Variants in ANKRD44 observed in about 807,000 individuals in gnomAD.
The protein encoded by ANKRD44 is ankyrin repeat domain 44, also known as serine/threonine-protein phosphatase 6 regulatory ankyrin repeat subunit B.
A neutral mutation model predicts 116.0 loss-of-function variants in ANKRD44; 35 were observed. That is an observed-to-expected ratio of 0.30 (90% CI 0.23 to 0.40). The LOEUF is 0.40. ANKRD44 is among the 10% of genes least tolerant of loss of function. ANKRD44 has a pLI of 1.00. For missense variants in ANKRD44, 1,014 were observed against 1,242.6 expected (o/e 0.82, Z 2.77); for synonymous variants, 435 against 461.8 (o/e 0.94, Z 0.74).
At chr2:197,231,581 G>A (rs147023427) in intron 1 of ANKRD44, among the ~76,000 whole-genome samples, 18 of 152,078 alleles carry the variant, frequency 1.2e-4, no homozygotes, top group African/African-American at 2.9e-4. Flanking sequence ...CTTGGCAAGG[G>A]ACACTTAGCA....
At chr2:196,996,078 C>T (rs944938290) in intron 25 of ANKRD44, among the ~76,000 whole-genome samples, 5 of 152,130 alleles carry the variant, frequency 3.3e-5, no homozygotes, top group African/African-American at 9.7e-5. Flanking sequence ...CAATTTCAGG[C>T]CTGGTACCCT....
At chr2:197,199,737 T>C (rs1216997930) in intron 1 of ANKRD44, among the ~76,000 whole-genome samples, 1 of 152,196 alleles carries the variant, frequency 6.6e-6, no homozygotes, top group African/African-American at 2.4e-5. Context: ...CATACCACCA[T>C]GCCTGGCTTA....
At position 197,008,626 on chromosome 2, in the gene ANKRD44, G is replaced by A. The variant is rs534784862; in HGVS notation, c.2012+318C>T. 3.9e-5 allele frequency among the ~76,000 whole-genome samples: 6 copies of A among 152,274 alleles called. No individual in the cohort carries two copies. In the South Asian group the frequency reaches 1.2e-3, roughly 32 times the overall value. Reference sequence around the variant, plus strand: ...TATTTATTAATTAGAAAATGGCAATGGTGTAGCAGCTTCAGAAGAAGGTAA... The same window carrying A: ...TATTTATTAATTAGAAAATGGCAATAGTGTAGCAGCTTCAGAAGAAGGTAA... On this transcript the variant is annotated intron_variant, in intron 19 of 27. Transcript: ENST00000282272.
At chr2:197,003,152 C>T (rs1337190761) in intron 21 of ANKRD44, among the ~76,000 whole-genome samples, 1 of 148,034 alleles carries the variant, frequency 6.8e-6, no homozygotes, top group African/African-American at 2.5e-5. Flanking sequence ...CCTAAAAATA[C>T]CAAAAAAAAA....
At chr2:197,139,529 T>G (rs2079304252) in intron 3 of ANKRD44, among the ~76,000 whole-genome samples, 1 of 152,122 alleles carries the variant, frequency 6.6e-6, no homozygotes, top group Non-Finnish European at 1.5e-5. Flanking sequence ...TTCTGGATAG[T>G]GACTGCGTCT....
chr2:197,117,388 C>T (rs568329131), intron 8 of ANKRD44, among the ~76,000 whole-genome samples: 3 of 152,220 alleles, frequency 2.0e-5, no homozygotes, highest in East Asian at 3.9e-4. Context: ...TACAGGCATG[C>T]GCCACCACAC....
chr2:197,306,090 C>A (rs1348572632), intron 1 of ANKRD44, among the ~76,000 whole-genome samples: 6 of 151,664 alleles, frequency 4.0e-5, no homozygotes, highest in African/African-American at 1.2e-4. Flanking sequence ...GGGGCAGAGG[C>A]CTCAGAGCAG....
intron 10 of ANKRD44, chr2:197,099,526 G>T: frequency 9.0e-7 from 1 of 1,108,278 alleles, no homozygotes; most frequent in Non-Finnish European, 1.1e-6. Context: ...TGAAGCATTG[G>T]GAAGGACAGA....
chr2:197,268,202 T>C (rs971197002), intron 1 of ANKRD44, among the ~76,000 whole-genome samples: 1 of 152,236 alleles, frequency 6.6e-6, no homozygotes, highest in Non-Finnish European at 1.5e-5. Context: ...ATGAAGCCCT[T>C]CTATGCCCAG....
intron 2 of ANKRD44, among the ~76,000 whole-genome samples, chr2:197,157,785 T>C (rs964881910): frequency 6.6e-6 from 1 of 152,008 alleles, no homozygotes; most frequent in Admixed American, 6.5e-5. Context: ...AGTAAGGATG[T>C]AGAAAATAAA....
chr2:196,987,823 G>A lies in ANKRD44; in HGVS notation c.*1768C>T. 2.0e-6 allele frequency: 2 copies of A among 984,186 alleles called. No individual in the cohort carries two copies. Among genetic ancestry groups the A allele is most frequent in the Non-Finnish European group, 2.4e-6 (2 of 829,590 alleles). The allele number at this position is 984,186 out of a possible 1,614,324, so 61.0% of individuals were successfully genotyped here. On this transcript the variant is annotated 3_prime_UTR_variant, in exon 28 of 28. Transcript: ENST00000282272. ...ACAAATAAAAGCACTAAGCAACTAA[G>A]ACTCAGTTAAAAACACATTTTTTTT...
At position 196,987,957 on chromosome 2, in the gene ANKRD44, A is replaced by G. The variant is rs2125870580; in HGVS notation, c.*1634T>C. The stretch of plus-strand genomic sequence containing the variant: ...CTTTAAAAAAATTTTGCCTTGGGGT[A>G]TGGGAGAAAGAGAAAGAGAGGAAGA... On this transcript the variant is annotated 3_prime_UTR_variant, in exon 28 of 28. Coordinates refer to ENST00000282272, the MANE Select transcript of ANKRD44 (RefSeq NM_001195144.2). The G allele has an allele frequency of 1.0e-6, 1 of 985,290 alleles. No individual in the cohort carries two copies. Among genetic ancestry groups the G allele is most frequent in the South Asian group, 4.7e-5 (1 of 21,286 alleles). The allele number at this position is 985,290 out of a possible 1,614,324, so 61.0% of individuals were successfully genotyped here.
Position 197,098,241 on chromosome 2 carries a change from G to A in ANKRD44, c.1100+1575C>T, listed in dbSNP as rs1559059688. ...TCTTATCTCTACCACTAGACTGGGA[G>A]GTGTTTGGAACCCAGTTCAACTTAA... On this transcript the variant is annotated intron_variant, in intron 10 of 27. Coordinates refer to ENST00000282272, the MANE Select transcript of ANKRD44 (RefSeq NM_001195144.2). Among the ~76,000 whole-genome samples, 2 of 132,446 alleles carry A rather than the reference G, an allele frequency of 1.5e-5. 1 individual carries two copies. Among genetic ancestry groups the A allele is most frequent in the South Asian group, 5.7e-4 (2 of 3,512 alleles). 86.9% of individuals were successfully genotyped at this position (132,446 alleles called of 152,430 possible).
At chr2:197,309,472 G>C (rs150385594) in intron 1 of ANKRD44, among the ~76,000 whole-genome samples, 2 of 152,180 alleles carry the variant, frequency 1.3e-5, no homozygotes, top group South Asian at 4.1e-4. Context: ...AATCATTGTG[G>C]TGACGGACTG....
chr2:197,259,280 T>C (rs1187734728), intron 1 of ANKRD44, among the ~76,000 whole-genome samples: 3 of 152,178 alleles, frequency 2.0e-5, no homozygotes, highest in Non-Finnish European at 1.5e-5. Context: ...CTCCCCTGAG[T>C]AGCTCCTGCT....
At chr2:197,224,640 C>T (rs573313104) in intron 1 of ANKRD44, among the ~76,000 whole-genome samples, 12 of 152,126 alleles carry the variant, frequency 7.9e-5, no homozygotes, top group Admixed American at 2.0e-4. Context: ...ATTCATTATG[C>T]TTTTTGGTTT....
intron 2 of ANKRD44, among the ~76,000 whole-genome samples, chr2:197,175,779 C>A (rs1194036230): frequency 6.6e-6 from 1 of 152,122 alleles, no homozygotes; most frequent in Non-Finnish European, 1.5e-5. Flanking sequence ...ATGAATGTAA[C>A]TGAGGTTATT....
chr2:197,179,312 T>C (rs1479654823), intron 2 of ANKRD44, among the ~76,000 whole-genome samples: 1 of 152,202 alleles, frequency 6.6e-6, no homozygotes. Context: ...AAGTTTAGAA[T>C]TATTTTGTCA....
At chr2:197,017,207 T>C (rs1044021602) in intron 17 of ANKRD44, among the ~76,000 whole-genome samples, 3 of 152,262 alleles carry the variant, frequency 2.0e-5, no homozygotes, top group African/African-American at 7.2e-5. Context: ...AGAAAAGAAG[T>C]TGCAAACAGT....
Sources: gnomAD v4.1 joint callset for allele counts (sites outside exome capture counted in the v4.1 genomes callset) on GRCh38, gnomAD v4.1.1 for gene constraint, MANE v1.5 for transcripts, NCBI Gene and HGNC (gene_info 2026-07-23, HGNC 2026-07-21) for gene names.